COL13A1: variants seen among roughly 807,000 people sequenced by gnomAD.
COL13A1 encodes collagen alpha-1(XIII) chain.
COL13A1 carries 89 observed loss-of-function variants against 130.9 expected under a neutral mutation model. The ratio of observed to expected loss-of-function variants is 0.68; its 90% confidence interval spans 0.57 to 0.81. COL13A1 has a LOEUF of 0.81. Among genes scored for constraint, COL13A1 ranks in the 30% least tolerant of loss-of-function variants. COL13A1 has a pLI of 0.00. For missense variants in COL13A1, 879 were observed against 934.6 expected, an observed-to-expected ratio of 0.94 and a Z score of 0.78; for synonymous variants, 402 against 341.6, an observed-to-expected ratio of 1.18 and a Z score of -1.95.
At chr10:69,923,921 C>G (rs896593359) in intron 24 of COL13A1, 66 bp downstream of exon 24, 1 of 1,565,500 alleles carries the variant, frequency 6.4e-7, no homozygotes, top group Non-Finnish European at 8.7e-7. Context: ...AGAATCATCC[C>G]GGCCGACCCT....
At chr10:69,909,765 C>G (rs1350391720) in intron 17 of COL13A1, among the ~76,000 whole-genome samples, 1 of 152,232 alleles carries the variant, frequency 6.6e-6, no homozygotes, top group Non-Finnish European at 1.5e-5. Context: ...AAGTTTATTT[C>G]CCCTCTGAAT....
At chr10:69,817,329 A>G (rs1227578128) in intron 1 of COL13A1, among the ~76,000 whole-genome samples, 1 of 151,736 alleles carries the variant, frequency 6.6e-6, no homozygotes, top group African/African-American at 2.4e-5. Context: ...GCAGGCGCAG[A>G]TGCAGATGGA....
At chr10:69,890,034 G>A (rs1028728872) in intron 10 of COL13A1, among the ~76,000 whole-genome samples, 1 of 152,144 alleles carries the variant, frequency 6.6e-6, no homozygotes, top group African/African-American at 2.4e-5. Flanking sequence ...CAGGAGCAAG[G>A]TCTTCTCTTC....
intron 2 of COL13A1, among the ~76,000 whole-genome samples, chr10:69,836,764 G>A (rs1251517600): frequency 1.3e-5 from 2 of 152,198 alleles, no homozygotes; most frequent in African/African-American, 4.8e-5. Context: ...ACCCTGGGGA[G>A]CCTCCTGGAG....
chr10:69,924,832 G>T (rs2065140497), intron 24 of COL13A1, 131 bp from the exon 25 acceptor site: 2 of 848,324 alleles, frequency 2.4e-6, no homozygotes, highest in South Asian at 2.7e-5. Context: ...TCCTGAAGGG[G>T]TGGAACCTGC....
chr10:69,876,473 C>T (rs1054534498), intron 5 of COL13A1, among the ~76,000 whole-genome samples: 1 of 152,216 alleles, frequency 6.6e-6, no homozygotes. Flanking sequence ...CCCCAGCGCC[C>T]ACCTAAGGCC....
At chr10:69,803,298 CCTT>C (rs1840573239) in intron 1 of COL13A1, among the ~76,000 whole-genome samples, 1 of 152,282 alleles carries the variant, frequency 6.6e-6, no homozygotes, top group Non-Finnish European at 1.5e-5. Context: ...TTAGTCCACA[CCTT>C]CTTTTTCCTA....
chr10:69,837,927 C>T (rs1850536914), intron 2 of COL13A1, among the ~76,000 whole-genome samples: 1 of 152,208 alleles, frequency 6.6e-6, no homozygotes, highest in African/African-American at 2.4e-5. Context: ...ACCTTAAAAG[C>T]CCCCTGTGAT....
intron 14 of COL13A1, among the ~76,000 whole-genome samples, chr10:69,901,763 T>G (rs2062203222): frequency 6.6e-6 from 1 of 152,088 alleles, no homozygotes; most frequent in South Asian, 2.1e-4. Context: ...GAAATCTGGG[T>G]CACGTGCACC....
At chr10:69,836,290 C>T (rs74358706) in intron 2 of COL13A1, among the ~76,000 whole-genome samples, 9,909 of 152,220 alleles carry the variant, frequency 0.065, 447 homozygotes, top group Admixed American at 0.11. Context: ...GTCCCAGGGC[C>T]GCATCCTCCA....
chr10:69,945,552 C>G, intron 36 of COL13A1, 119 bp from the exon 37 acceptor site: 1 of 1,386,628 alleles, frequency 7.2e-7, no homozygotes, highest in Non-Finnish European at 9.9e-7. Context: ...GCCCTTGCTT[C>G]CCGGAGGGCT....
intron 14 of COL13A1, among the ~76,000 whole-genome samples, chr10:69,900,487 T>C (rs912156736): frequency 3.9e-5 from 6 of 152,252 alleles, no homozygotes; most frequent in African/African-American, 1.4e-4. Context: ...GTTTCCAAAG[T>C]AGAGAAAGAA....
At chr10:69,873,505 A>T (rs141185184) in intron 4 of COL13A1, among the ~76,000 whole-genome samples, 1 of 152,362 alleles carries the variant, frequency 6.6e-6, no homozygotes, top group East Asian at 1.9e-4. Context: ...GGGGCAATTG[A>T]CAGAGCAAGG....
At chr10:69,942,537 G>T (rs1488355575) in intron 35 of COL13A1, among the ~76,000 whole-genome samples, 3 of 152,180 alleles carry the variant, frequency 2.0e-5, no homozygotes, top group Non-Finnish European at 4.4e-5. Flanking sequence ...CTTAGGAACT[G>T]AGTCTTTATT....
Position 69,867,821 on chromosome 10 carries a change from G to T in COL13A1, c.372+16G>T. 1.4e-6 allele frequency: 1 copy of T among 718,434 alleles called. No homozygotes were observed. The highest frequency in any genetic ancestry group is 2.6e-6 in the Non-Finnish European group (1 of 385,012). 44.5% of individuals were successfully genotyped at this position (718,434 alleles called of 1,614,324 possible). On this transcript the variant is annotated intron_variant, in intron 3 of 40. Coordinates refer to ENST00000645393, the MANE Select transcript of COL13A1 (RefSeq NM_001368882.1). ...AGGACCTCCTGTAAGTACTCAAGCC[G>T]AGGGTCTCGTGCATCTGAAAGGCCT...
chr10:69,856,004 CA>C (rs1382989845), intron 2 of COL13A1, among the ~76,000 whole-genome samples: 1 of 152,220 alleles, frequency 6.6e-6, no homozygotes, highest in Admixed American at 6.5e-5. Context: ...ACTGAGCCCA[CA>C]CTCTGGGCCA....
intron 7 of COL13A1, among the ~76,000 whole-genome samples, chr10:69,882,582 C>T (rs1182220960): frequency 6.6e-6 from 1 of 152,218 alleles, no homozygotes; most frequent in Non-Finnish European, 1.5e-5. Context: ...GAACAGTTTC[C>T]TAACTCGCCT....
intron 17 of COL13A1, among the ~76,000 whole-genome samples, chr10:69,915,613 T>G (rs1224222583): frequency 6.6e-6 from 1 of 152,058 alleles, no homozygotes; most frequent in Non-Finnish European, 1.5e-5. Context: ...ATAGAAGAGA[T>G]AAAAGGGCCC....
intron 1 of COL13A1, among the ~76,000 whole-genome samples, chr10:69,804,434 A>T (rs751511124): frequency 2.0e-5 from 3 of 152,018 alleles, no homozygotes; most frequent in Non-Finnish European, 2.9e-5. Flanking sequence ...TGTATCCGAC[A>T]TGCTCACTCC....
Sources: allele counts gnomAD v4.1 joint callset (sites outside exome capture counted in the v4.1 genomes callset), GRCh38; gene constraint gnomAD v4.1.1; transcripts MANE v1.5; gene names NCBI Gene and HGNC (gene_info 2026-07-23, HGNC 2026-07-21).